MEOX2: variants seen among roughly 807,000 people sequenced by gnomAD.
MEOX2 encodes homeobox protein MOX-2.
MEOX2 carries 11 observed loss-of-function variants against 27.0 expected under a neutral mutation model. That is an observed-to-expected ratio of 0.41 (90% CI 0.26 to 0.68). The LOEUF is 0.68. Among genes scored for constraint, MEOX2 ranks in the 30% least tolerant of loss-of-function variants. The probability of loss-of-function intolerance (pLI) is 0.33; values close to 1 mark genes in which losing one functional copy is unlikely to be tolerated. For synonymous variants in MEOX2, 189 were observed against 155.4 expected (o/e 1.22, Z -1.61); for missense variants, 436 against 385.4 (o/e 1.13, Z -1.10).
intron 1 of MEOX2, among the ~76,000 whole-genome samples, chr7:15,635,352 A>T (rs1583754740): frequency 6.6e-6 from 1 of 152,094 alleles, no homozygotes; most frequent in African/African-American, 2.4e-5. Context: ...TAATTGTGAT[A>T]CTAAATATGG....
In MEOX2 at chr7:15,685,933, G is replaced by A. The variant is rs1421793823; in HGVS notation, c.470C>T (p.Ala157Val). Residue 157 changes from alanine (A) to valine (V), a missense_variant, in exon 1 of 3, where the codon GCG (alanine) becomes GTG (valine). Transcript: ENST00000262041. ...GCCGCCGCTTCGCTTCTCCGCCTCCGCAGGTGACAGTGCCTGGCGGCCGTA... is the reference window on the plus strand; with the variant it reads ...GCCGCCGCTTCGCTTCTCCGCCTCCACAGGTGACAGTGCCTGGCGGCCGTA... ...GDYGRQALSP[A>V]EAEKRSGGKR... 1.9e-6 allele frequency: 3 copies of A among 1,610,488 alleles called. No homozygotes were observed. The highest frequency in any genetic ancestry group is 1.7e-5 in the Admixed American group (1 of 59,880).
At chr7:15,623,238 G>A (rs187545728) in intron 2 of MEOX2, among the ~76,000 whole-genome samples, 55 of 152,290 alleles carry the variant, frequency 3.6e-4, no homozygotes, top group Non-Finnish European at 6.3e-4. Flanking sequence ...CATTTTGAAA[G>A]AATATGCCAT....
intron 1 of MEOX2, chr7:15,668,114 G>C (rs1782037535): frequency 6.6e-6 from 1 of 152,154 alleles, no homozygotes; most frequent in Non-Finnish European, 1.5e-5. Flanking sequence ...TTTAACTACA[G>C]TTGACCTTTG....
intron 2 of MEOX2, among the ~76,000 whole-genome samples, chr7:15,618,656 T>C (rs981411380): frequency 6.6e-6 from 1 of 151,956 alleles, no homozygotes; most frequent in Non-Finnish European, 1.5e-5. Flanking sequence ...ATTACTATGA[T>C]TCAATCTAAA....
chr7:15,626,019 A>G (rs1393494128), intron 2 of MEOX2, among the ~76,000 whole-genome samples: 1 of 152,156 alleles, frequency 6.6e-6, no homozygotes, highest in East Asian at 1.9e-4. Flanking sequence ...AATATTTACC[A>G]ATGATCTATG....
At position 15,612,344 on chromosome 7, in the gene MEOX2, A is replaced by G. The variant is rs1054137174; in HGVS notation, c.*43T>C. The G allele has an allele frequency of 6.6e-7, 1 of 1,509,582 alleles. No homozygotes were observed. Among genetic ancestry groups the G allele is most frequent in the African/African-American group, 1.4e-5 (1 of 72,556 alleles). The allele number at this position is 1,509,582 out of a possible 1,614,324, so 93.5% of individuals were successfully genotyped here. ...CGATATTTGGGTAAGGCTTGCCATC[A>G]CAACATTTCTTTCCTGAGAATGGAG... On this transcript the variant is annotated 3_prime_UTR_variant, in exon 3 of 3. Coordinates refer to ENST00000262041, the MANE Select transcript of MEOX2 (RefSeq NM_005924.5).
At chr7:15,673,324 G>C (rs1782134107) in intron 1 of MEOX2, among the ~76,000 whole-genome samples, 1 of 152,094 alleles carries the variant, frequency 6.6e-6, no homozygotes, top group Admixed American at 6.6e-5. Flanking sequence ...ATTAGTGTAG[G>C]GAGGTAGTGA....
At chr7:15,645,699 T>C (rs535386939) in intron 1 of MEOX2, among the ~76,000 whole-genome samples, 2 of 152,288 alleles carry the variant, frequency 1.3e-5, no homozygotes, top group African/African-American at 4.8e-5. Context: ...TCAAGTGGTA[T>C]CTTGGCTGTC....
rs1473544456 is a variant in MEOX2 at position 15,686,497 on chromosome 7, T to TTC, written c.-96_-95insGA. On this transcript the variant is annotated 5_prime_UTR_variant, in exon 1 of 3. Transcript: ENST00000262041. ...TTTTCACTGGAAACCGTGTGATTTT[T>TTC]TTTTTAACCTCCCAAAGCAATAGCG... 1.3e-4 allele frequency: 149 copies of TTC among 1,172,744 alleles called. 1 individual carries two copies. Among genetic ancestry groups the TTC allele is most frequent in the Non-Finnish European group, 1.6e-4 (139 of 843,730 alleles). The allele number at this position is 1,172,744 out of a possible 1,614,324, so 72.6% of individuals were successfully genotyped here. A position where few individuals can be genotyped will look rare whatever the true frequency, so the allele number is the denominator to read the frequency against.
At chr7:15,671,709 G>C (rs1486106637) in intron 1 of MEOX2, among the ~76,000 whole-genome samples, 2 of 152,106 alleles carry the variant, frequency 1.3e-5, no homozygotes, top group Admixed American at 1.3e-4. Flanking sequence ...GTTTAAATCA[G>C]TATCATTGTA....
intron 1 of MEOX2, among the ~76,000 whole-genome samples, chr7:15,642,383 T>C (rs2115371509): frequency 6.6e-6 from 1 of 152,296 alleles, no homozygotes; most frequent in Middle Eastern, 3.4e-3. Context: ...TGAATTTCAT[T>C]TTTTTCTGTT....
At chr7:15,631,231 C>CA (rs372742398) in intron 1 of MEOX2, among the ~76,000 whole-genome samples, 10,395 of 141,632 alleles carry the variant, frequency 0.073, 391 homozygotes, top group Middle Eastern at 0.14. Flanking sequence ...CTTCAAAATG[C>CA]AAAAAAAAAA....
At chr7:15,670,314 A>T (rs77977745) in intron 1 of MEOX2, among the ~76,000 whole-genome samples, 2,366 of 152,332 alleles carry the variant, frequency 0.016, 34 homozygotes, top group Non-Finnish European at 0.025. Context: ...TTATCCATGA[A>T]GGCATTTGGT....
intron 2 of MEOX2, among the ~76,000 whole-genome samples, chr7:15,617,591 T>G (rs1032192674): frequency 1.3e-5 from 2 of 152,124 alleles, no homozygotes; most frequent in African/African-American, 4.8e-5. Flanking sequence ...GAAGGAATTC[T>G]TCAGCTATTT....
At chr7:15,640,887 G>T (rs1781549093) in intron 1 of MEOX2, among the ~76,000 whole-genome samples, 1 of 152,190 alleles carries the variant, frequency 6.6e-6, no homozygotes, top group African/African-American at 2.4e-5. Context: ...ACTTGAACGT[G>T]ATGAATTATC....
chr7:15,653,218 C>G (rs1781767542), intron 1 of MEOX2, among the ~76,000 whole-genome samples: 1 of 151,874 alleles, frequency 6.6e-6, no homozygotes, highest in African/African-American at 2.4e-5. Context: ...TTAATTTGCT[C>G]TTTCCAAATA....
chr7:15,659,304 G>T lies in MEOX2; in HGVS notation c.517+26582C>A, dbSNP rs374761050. 2.7e-3 allele frequency among the ~76,000 whole-genome samples: 411 copies of T among 151,932 alleles called. 1 individual carries two copies. Among genetic ancestry groups the T allele is most frequent in the African/African-American group, 9.2e-3 (382 of 41,442 alleles). On this transcript the variant is annotated intron_variant, in intron 1 of 2. Coordinates refer to ENST00000262041, the MANE Select transcript of MEOX2 (RefSeq NM_005924.5). ...GAAACCATAATGTTGCATCTTTTTT[G>T]CAACCAATTTTCATATATTTATATG...
chr7:15,617,734 C>T (rs17168907), intron 2 of MEOX2, among the ~76,000 whole-genome samples: 9,727 of 152,098 alleles, frequency 0.064, 373 homozygotes, highest in Middle Eastern at 0.13. Flanking sequence ...GTTTACAGGG[C>T]TGCCTCTCAC....
intron 1 of MEOX2, among the ~76,000 whole-genome samples, chr7:15,638,712 A>G (rs1301739356): frequency 6.6e-6 from 1 of 151,930 alleles, no homozygotes; most frequent in Non-Finnish European, 1.5e-5. Context: ...TTTAGCTTCC[A>G]CTTGTAAGTG....
Sources: allele counts gnomAD v4.1 joint callset (sites outside exome capture counted in the v4.1 genomes callset), GRCh38; gene constraint gnomAD v4.1.1; transcripts MANE v1.5; gene names NCBI Gene and HGNC (gene_info 2026-07-23, HGNC 2026-07-21).